CHN2: variants seen among roughly 807,000 people sequenced by gnomAD.
CHN2 encodes beta-chimaerin.
In CHN2, 35 loss-of-function variants were observed where a neutral mutation model predicts 56.3. The observed-to-expected ratio is 0.62, with a 90% confidence interval of 0.47 to 0.82. The LOEUF (loss-of-function observed/expected upper bound fraction) is 0.82, where lower values mean the gene tolerates loss of function less well. CHN2 is among the 40% of genes least tolerant of loss of function. CHN2 has a pLI of 0.00. For synonymous variants in CHN2, 210 were observed against 212.8 expected (o/e 0.99, Z 0.12); for missense variants, 491 against 580.5 (o/e 0.85, Z 1.58).
At chr7:29,157,589 T>C (rs1161365462) in intron 2 of CHN2, among the ~76,000 whole-genome samples, 1 of 152,172 alleles carries the variant, frequency 6.6e-6, no homozygotes, top group East Asian at 1.9e-4. Context: ...CTATGGAAAA[T>C]TGACTATGAT....
intron 9 of CHN2, among the ~76,000 whole-genome samples, chr7:29,503,954 C>T (rs1790260032): frequency 6.6e-6 from 1 of 152,174 alleles, no homozygotes; most frequent in Admixed American, 6.5e-5. Flanking sequence ...CAATAAGCTC[C>T]AGGGACAGAA....
At chr7:29,374,953 T>C (rs1444880707) in intron 3 of CHN2, among the ~76,000 whole-genome samples, 1 of 151,110 alleles carries the variant, frequency 6.6e-6, no homozygotes, top group Non-Finnish European at 1.5e-5. Flanking sequence ...AATGGCGCGA[T>C]CTTGGCTCAC....
At chr7:29,263,939 C>T (rs1334976578) in intron 1 of CHN2, among the ~76,000 whole-genome samples, 1 of 148,696 alleles carries the variant, frequency 6.7e-6, no homozygotes, top group Non-Finnish European at 1.5e-5. Context: ...GGGGGGCAGC[C>T]CCCGCCCGGC....
At chr7:29,344,589 C>T (rs1797282034) in intron 1 of CHN2, among the ~76,000 whole-genome samples, 1 of 152,150 alleles carries the variant, frequency 6.6e-6, no homozygotes, top group African/African-American at 2.4e-5. Context: ...CTCCAAGAGC[C>T]TATCCATCCA....
intron 11 of CHN2, 78 bp from the exon 12 acceptor site, chr7:29,509,223 A>G (rs1253216420): frequency 2.3e-5 from 25 of 1,088,092 alleles, no homozygotes; most frequent in Non-Finnish European, 3.2e-5. Context: ...TCTGGCTAAA[A>G]CAAAAACTTC....
At chr7:29,434,847 T>G (rs113573346) in intron 6 of CHN2, among the ~76,000 whole-genome samples, 2 of 152,120 alleles carry the variant, frequency 1.3e-5, no homozygotes, top group Non-Finnish European at 2.9e-5. Context: ...ATCCTAGCAA[T>G]TTGGAAGGCC....
chr7:29,226,932 G>T (rs957198250), intron 1 of CHN2, among the ~76,000 whole-genome samples: 1 of 152,142 alleles, frequency 6.6e-6, no homozygotes, highest in Non-Finnish European at 1.5e-5. Context: ...GGAGGCATTC[G>T]TGTTTTCAGA....
intron 6 of CHN2, among the ~76,000 whole-genome samples, chr7:29,475,975 G>T (rs1158183866): frequency 2.0e-5 from 3 of 152,194 alleles, no homozygotes; most frequent in African/African-American, 7.2e-5. Context: ...GCAGAACATT[G>T]TAAATGCATT....
At chr7:29,247,547 T>C (rs1788169300) in intron 1 of CHN2, among the ~76,000 whole-genome samples, 1 of 152,210 alleles carries the variant, frequency 6.6e-6, no homozygotes. Context: ...CCAGCATTGT[T>C]TACTGTCTGT....
intron 1 of CHN2, among the ~76,000 whole-genome samples, chr7:29,239,276 G>A (rs529649893): frequency 1.4e-4 from 21 of 152,268 alleles, no homozygotes; most frequent in Non-Finnish European, 2.1e-4. Context: ...AGAGCATGTG[G>A]AATCAGGAAT....
In CHN2 at chr7:29,194,988, C is replaced by T. The variant is rs764852613; in HGVS notation, c.47C>T (p.Ser16Phe). Residue 16 changes from serine (S) to phenylalanine (F), a missense_variant and splice_region_variant, in exon 1 of 13, where the codon TCC becomes TTC. Ser to Phe is a radical substitution (Grantham distance 155). Coordinates refer to ENST00000222792, the MANE Select transcript of CHN2 (RefSeq NM_004067.4). ...AGCCTGTCCGGCTCGTCGGTGTCCT[C>T]CGGTGAGTTTCAGCCCGTCGGGCGC... The part of the protein sequence containing the change: ...NSSLSGSSVS[S>F]DAEEYQPPIW... 8 of 1,587,170 alleles carry T rather than the reference C, an allele frequency of 5.0e-6. No homozygotes were observed. The South Asian group carries it at 8.0e-5, about 16-fold the overall frequency.
At chr7:29,390,962 T>G (rs1273935361) in intron 3 of CHN2, among the ~76,000 whole-genome samples, 1 of 152,238 alleles carries the variant, frequency 6.6e-6, no homozygotes, top group African/African-American at 2.4e-5. Flanking sequence ...TTAAGCTCTT[T>G]ACTGGTTTAA....
chr7:29,494,640 T>C (rs1161442970), intron 7 of CHN2, among the ~76,000 whole-genome samples: 1 of 152,164 alleles, frequency 6.6e-6, no homozygotes, highest in South Asian at 2.1e-4. Context: ...AACTATATAA[T>C]AGGCAGTTTG....
intron 6 of CHN2, among the ~76,000 whole-genome samples, chr7:29,429,314 A>T (rs1805181061): frequency 1.3e-5 from 2 of 152,226 alleles, no homozygotes; most frequent in South Asian, 4.1e-4. Context: ...AAAAGAAGAG[A>T]TATCAGTCTT....
chr7:29,499,937 G>A lies in CHN2; in HGVS notation c.810G>A (p.Arg270=). 1 of 1,612,946 alleles carries A rather than the reference G, an allele frequency of 6.2e-7. No individual in the cohort carries two copies. The highest frequency in any genetic ancestry group is 8.5e-7 in the Non-Finnish European group (1 of 1,179,622). The change falls in exon 9 of 13, where the codon AGG becomes AGA. Residue 270 remains arginine (R), a synonymous_variant. Coordinates refer to ENST00000222792, the MANE Select transcript of CHN2 (RefSeq NM_004067.4). ...ATGACTGCCAACCTGATCTCAAGAG[G>A]ATCAAGAAAGTGTACTGTTGTGACC... ...VPNDCQPDLK[R]IKKVYCCDLT...
At position 29,304,415 on chromosome 7, in the gene CHN2, A is replaced by G. The variant is rs778446036; in HGVS notation, c.50-50210A>G. Among the ~76,000 whole-genome samples the G allele has an allele frequency of 1.2e-4, 19 of 152,352 alleles. No homozygotes were observed. In the Middle Eastern group the frequency reaches 0.01, roughly 82 times the overall value. ...TTAGCCAAATTGTAATTGTAGAGAGAGATGATACCTCATAACTAAACACCA... is the reference window on the plus strand; with the variant it reads ...TTAGCCAAATTGTAATTGTAGAGAGGGATGATACCTCATAACTAAACACCA... On this transcript the variant is annotated intron_variant, in intron 1 of 12. Transcript: ENST00000222792.
intron 1 of CHN2, among the ~76,000 whole-genome samples, chr7:29,229,154 G>A (rs1181072487): frequency 6.6e-6 from 1 of 152,176 alleles, no homozygotes; most frequent in East Asian, 1.9e-4. Context: ...CAAGAGTGGG[G>A]TGGGGTGAGG....
intron 2 of CHN2, among the ~76,000 whole-genome samples, chr7:29,363,931 G>T (rs1218961457): frequency 6.6e-6 from 1 of 152,112 alleles, no homozygotes; most frequent in Non-Finnish European, 1.5e-5. Context: ...CAGCTACTTG[G>T]GAGGTGGGGA....
chr7:29,483,077 T>A (rs1271187301), intron 7 of CHN2, among the ~76,000 whole-genome samples: 1 of 152,060 alleles, frequency 6.6e-6, no homozygotes, highest in Admixed American at 6.6e-5. Flanking sequence ...CGTCTCGGCC[T>A]CCCAAAGTGC....
Sources: allele counts gnomAD v4.1 joint callset (sites outside exome capture counted in the v4.1 genomes callset), GRCh38; gene constraint gnomAD v4.1.1; transcripts MANE v1.5; gene names NCBI Gene and HGNC (gene_info 2026-07-23, HGNC 2026-07-21).